OR6N1: variants seen among roughly 807,000 people sequenced by gnomAD.
OR6N1 encodes the protein olfactory receptor family 6 subfamily N member 1.
For missense variants in OR6N1, 394 were observed against 371.7 expected, an observed-to-expected ratio of 1.06 and a Z score of -0.49; for synonymous variants, 170 against 150.7, an observed-to-expected ratio of 1.13 and a Z score of -0.94.
upstream of OR6N1, among the ~76,000 whole-genome samples, chr1:158,772,910 G>C (rs570927558): frequency 6.6e-6 from 1 of 152,174 alleles, no homozygotes; most frequent in Non-Finnish European, 1.5e-5. Context: ...AGCCTAATTT[G>C]ATCATTCTAC....
intron 1 of OR6N1, among the ~76,000 whole-genome samples, chr1:158,770,510 C>T (rs1657397672): frequency 6.6e-6 from 1 of 152,098 alleles, no homozygotes; most frequent in Non-Finnish European, 1.5e-5. Flanking sequence ...ATGATTGTAA[C>T]TGCTAGTACT....
At chr1:158,826,244 A>T in the OR6N1 span, among the ~76,000 whole-genome samples, 3 of 152,170 alleles carry the variant, frequency 2.0e-5, no homozygotes, top group Non-Finnish European at 4.4e-5. Context: ...TATATAACAA[A>T]CATGTACACA....
intron 1 of OR6N1, among the ~76,000 whole-genome samples, chr1:158,769,595 C>T (rs1317686224): frequency 6.6e-6 from 1 of 152,206 alleles, no homozygotes; most frequent in Non-Finnish European, 1.5e-5. Flanking sequence ...ACCGAGTCTT[C>T]TCCTTCTGCC....
the OR6N1 span, among the ~76,000 whole-genome samples, chr1:158,787,100 G>A: frequency 6.6e-6 from 1 of 152,032 alleles, no homozygotes; most frequent in East Asian, 1.9e-4. Flanking sequence ...CGGTCATGGG[G>A]GTGAATTCCT....
chr1:158,815,861 T>C, the OR6N1 span, among the ~76,000 whole-genome samples: 1 of 152,204 alleles, frequency 6.6e-6, no homozygotes, highest in South Asian at 2.1e-4. Flanking sequence ...CCATTACGAA[T>C]ATGGTAAACA....
chr1:158,801,299 T>C, the OR6N1 span, among the ~76,000 whole-genome samples: 13 of 151,974 alleles, frequency 8.6e-5, no homozygotes. Context: ...GCCGGGGTTT[T>C]TTTCCCACCC....
the OR6N1 span, among the ~76,000 whole-genome samples, chr1:158,803,100 A>G: frequency 6.6e-6 from 1 of 152,220 alleles, no homozygotes; most frequent in Non-Finnish European, 1.5e-5. Context: ...AATTTAAGAT[A>G]CGGAGGTAAC....
At chr1:158,802,573 A>G in the OR6N1 span, among the ~76,000 whole-genome samples, 1 of 152,124 alleles carries the variant, frequency 6.6e-6, no homozygotes, top group African/African-American at 2.4e-5. Flanking sequence ...TTTTGCAAGG[A>G]GATTTCTCAT....
chr1:158,786,651 C>A, the OR6N1 span, among the ~76,000 whole-genome samples: 2 of 152,028 alleles, frequency 1.3e-5, no homozygotes, highest in African/African-American at 4.8e-5. Context: ...ATATACACCA[C>A]GTAATACTAC....
At chr1:158,794,686 G>A in the OR6N1 span, among the ~76,000 whole-genome samples, 2 of 152,164 alleles carry the variant, frequency 1.3e-5, no homozygotes, top group Admixed American at 1.3e-4. Flanking sequence ...ATAATGTATT[G>A]AGCATGTGGA....
At chr1:158,803,806 A>G in the OR6N1 span, among the ~76,000 whole-genome samples, 9 of 152,234 alleles carry the variant, frequency 5.9e-5, no homozygotes, top group African/African-American at 2.2e-4. Flanking sequence ...AAGGCTTCCA[A>G]GTTTAGTTCT....
chr1:158,833,929 T>G, the OR6N1 span, among the ~76,000 whole-genome samples: 1 of 152,174 alleles, frequency 6.6e-6, no homozygotes, highest in Non-Finnish European at 1.5e-5. Flanking sequence ...AGAATCATAT[T>G]TTTTTCATAG....
At chr1:158,774,110 C>G (rs1186437096), upstream of OR6N1, 1 of 152,168 alleles carries the variant, frequency 6.6e-6, no homozygotes, top group Non-Finnish European at 1.5e-5. Flanking sequence ...TATCACATTT[C>G]TTGAAACTGC....
chr1:158,829,618 T>C, the OR6N1 span, among the ~76,000 whole-genome samples: 1 of 152,314 alleles, frequency 6.6e-6, no homozygotes, highest in South Asian at 2.1e-4. Flanking sequence ...CATTTTCTTG[T>C]CTTCTTCTGA....
the OR6N1 span, among the ~76,000 whole-genome samples, chr1:158,828,457 G>T: frequency 6.6e-6 from 1 of 152,162 alleles, no homozygotes; most frequent in East Asian, 1.9e-4. Flanking sequence ...ATCCAGTGGG[G>T]CAGTCAAATC....
the OR6N1 span, among the ~76,000 whole-genome samples, chr1:158,789,766 A>G: frequency 6.6e-6 from 1 of 152,072 alleles, no homozygotes; most frequent in African/African-American, 2.4e-5. Flanking sequence ...GTTTGCAAAT[A>G]TTTTCTCCCA....
the OR6N1 span, among the ~76,000 whole-genome samples, chr1:158,804,587 C>CAA: frequency 6.6e-6 from 1 of 152,046 alleles, no homozygotes; most frequent in South Asian, 2.1e-4. Flanking sequence ...GGAAAAACAG[C>CAA]ATATGCTTAC....
At chr1:158,777,003 G>T (rs1657616266), upstream of OR6N1, 3 of 1,614,156 alleles carry the variant, frequency 1.9e-6, no homozygotes, top group African/African-American at 2.7e-5. Context: ...TGATAAAGAA[G>T]AAAGTGATAA....
the OR6N1 span, among the ~76,000 whole-genome samples, chr1:158,797,152 G>A: frequency 2.6e-5 from 4 of 152,324 alleles, no homozygotes; most frequent in South Asian, 6.2e-4. Flanking sequence ...TGGGGATGCT[G>A]CTAGCCCCAC....
Sources: gnomAD v4.1 joint callset for allele counts (sites outside exome capture counted in the v4.1 genomes callset) on GRCh38, gnomAD v4.1.1 for gene constraint, MANE v1.5 for transcripts, NCBI Gene and HGNC (gene_info 2026-07-23, HGNC 2026-07-21) for gene names.